TJP1: variants seen among roughly 807,000 people sequenced by gnomAD.
TJP1 encodes tight junction protein 1.
In TJP1, 43 loss-of-function variants were observed where a neutral mutation model predicts 194.2. The observed-to-expected ratio is 0.22, with a 90% CI of 0.17 to 0.29. The LOEUF (loss-of-function observed/expected upper bound fraction) is 0.29, where lower values mean the gene tolerates loss of function less well. Among genes scored for constraint, TJP1 ranks in the 10% least tolerant of loss-of-function variants. TJP1 has a pLI of 1.00. For missense variants in TJP1, 1,971 were observed against 2,185.7 expected, an observed-to-expected ratio of 0.90 and a Z score of 1.96; for synonymous variants, 801 against 779.0, an observed-to-expected ratio of 1.03 and a Z score of -0.47.
In TJP1 at chr15:29,815,003, T is replaced by G. The variant is rs555723314; in HGVS notation, c.27+6999A>C. On this transcript the variant is annotated intron_variant, in intron 1 of 27. Transcript: ENST00000614355. ...TTGGTGTTCTCATGATCTAAAGCTG[T>G]GTTCTTGTGGTAAAGGCAATCATTC... Among the ~76,000 whole-genome samples, 6 of 152,310 alleles carry G rather than the reference T, an allele frequency of 3.9e-5. No homozygotes were observed. In the East Asian group the frequency reaches 7.7e-4, roughly 20 times the overall value.
intron 2 of TJP1, among the ~76,000 whole-genome samples, chr15:29,950,039 ACCT>A (rs2055626221): frequency 1.5e-5 from 1 of 66,136 alleles, no homozygotes; most frequent in Non-Finnish European, 2.9e-5. Flanking sequence ...CTTCACCACC[ACCT>A]CCACCACCAC....
Position 29,700,253 on chromosome 15 carries a change from G to A in TJP1, c.*1342C>T, listed in dbSNP as rs1005923828. 2.5e-6 allele frequency: 1 copy of A among 398,914 alleles called. No homozygotes were observed. The highest frequency in any genetic ancestry group is 4.4e-6 in the Non-Finnish European group (1 of 226,032). The allele number at this position is 398,914 out of a possible 1,614,324, so 24.7% of individuals were successfully genotyped here. A position where few individuals can be genotyped will look rare whatever the true frequency, so the allele number is the denominator to read the frequency against. ...CTAATGATTAACAGAATGTAGTGGT[G>A]TATTATCTAAACAGAAATCGTGCTG... On this transcript the variant is annotated 3_prime_UTR_variant, in exon 28 of 28. Transcript: ENST00000614355.
intron 2 of TJP1, among the ~76,000 whole-genome samples, chr15:29,840,739 G>A (rs2051195915): frequency 6.6e-6 from 1 of 152,174 alleles, no homozygotes; most frequent in African/African-American, 2.4e-5. Flanking sequence ...GGGTCCCAGT[G>A]GTTTGCTTAG....
At chr15:29,950,592 G>A (rs2055711820) in intron 2 of TJP1, among the ~76,000 whole-genome samples, 2 of 152,170 alleles carry the variant, frequency 1.3e-5, no homozygotes, top group South Asian at 4.1e-4. Flanking sequence ...TCGTACTGGT[G>A]ATGGGAGAAC....
intron 2 of TJP1, among the ~76,000 whole-genome samples, chr15:29,943,194 A>T (rs1567217834): frequency 6.6e-6 from 1 of 152,180 alleles, no homozygotes; most frequent in East Asian, 1.9e-4. Context: ...CTTTTGACAT[A>T]AAAGATGATG....
intron 2 of TJP1, among the ~76,000 whole-genome samples, chr15:29,926,377 C>G (rs1023000817): frequency 6.6e-6 from 1 of 152,018 alleles, no homozygotes; most frequent in Admixed American, 6.6e-5. Context: ...TTTGGGAGAC[C>G]GAGGCAGGTG....
chr15:29,734,446 G>C, intron 11 of TJP1, 64 bp from the exon 12 acceptor site: 1 of 1,187,010 alleles, frequency 8.4e-7, no homozygotes, highest in Non-Finnish European at 1.2e-6. Flanking sequence ...ACATACGCAG[G>C]ACACAGATAC....
Position 29,701,648 on chromosome 15 carries a change from G to T in TJP1, c.5254C>A (p.Pro1752Thr), listed in dbSNP as rs763522633. 2 of 1,613,902 alleles carry T rather than the reference G, an allele frequency of 1.2e-6. No homozygotes were observed. The highest frequency in any genetic ancestry group is 1.3e-5 in the African/African-American group (1 of 74,904). ...CAGTTTGCTCCAACGAGATAATTTG[G>T]ATCTCCGGGAAGACACTTGTTTTGC... ...TWQNKCLPGD[P>T]NYLVGANCVS... Residue 1752 changes from proline to threonine, a missense_variant, in exon 28 of 28, where the codon CCA becomes ACA. Physicochemically the swap from Pro to Thr is conservative, Grantham distance 38. Transcript: ENST00000614355.
chr15:29,807,735 TAAAG>T, intron 1 of TJP1, among the ~76,000 whole-genome samples: 1 of 152,160 alleles, frequency 6.6e-6, no homozygotes, highest in African/African-American at 2.4e-5. Flanking sequence ...GTAACCACAC[TAAAG>T]AAGAGTTTAA....
Position 29,766,486 on chromosome 15 carries a change from T to C in TJP1, c.369A>G (p.Pro123=). ...QIPVSRPDPE[P]VSDNEEDSYD... Reference sequence around the variant, plus strand: ...AACTATCTTCTTCATTATCAGATACTGGTTCAGGATCAGGACGACTTACTG... The same window carrying C: ...AACTATCTTCTTCATTATCAGATACCGGTTCAGGATCAGGACGACTTACTG... The change falls in exon 5 of 28, where the codon CCA becomes CCG. Residue 123 remains proline (P), a synonymous_variant. Coordinates refer to ENST00000614355, the MANE Select transcript of TJP1 (RefSeq NM_001330239.4). 6.2e-7 allele frequency: 1 copy of C among 1,609,798 alleles called. No individual in the cohort carries two copies. Among genetic ancestry groups the C allele is most frequent in the Non-Finnish European group, 8.5e-7 (1 of 1,177,344 alleles).
intron 23 of TJP1, among the ~76,000 whole-genome samples, chr15:29,712,284 CTG>C (rs2042289445): frequency 6.6e-6 from 1 of 152,186 alleles, no homozygotes. Context: ...ACATTAAAAT[CTG>C]AAAGTGCACA....
Position 29,800,630 on chromosome 15 carries a change from T to A in TJP1, c.84+16A>T, listed in dbSNP as rs765750835. On this transcript the variant is annotated intron_variant, in intron 2 of 27. Transcript: ENST00000614355. ...CCTGAGTTATACACAGATTACTTACTGCAACACAAACTTACCCTGTGAAGC... is the reference window on the plus strand; with the variant it reads ...CCTGAGTTATACACAGATTACTTACAGCAACACAAACTTACCCTGTGAAGC... 1.2e-6 allele frequency: 2 copies of A among 1,613,568 alleles called. No individual in the cohort carries two copies. Among genetic ancestry groups the A allele is most frequent in the Non-Finnish European group, 8.5e-7 (1 of 1,179,650 alleles).
chr15:29,917,444 A>G (rs2054222780), intron 2 of TJP1, among the ~76,000 whole-genome samples: 1 of 152,160 alleles, frequency 6.6e-6, no homozygotes, highest in African/African-American at 2.4e-5. Flanking sequence ...AAAACAATAT[A>G]TAAGGCCACA....
In TJP1 at chr15:29,813,456, G is replaced by A. The variant is rs78026071; in HGVS notation, c.27+8546C>T. Among the ~76,000 whole-genome samples, 1,311 of 152,126 alleles carry A rather than the reference G, an allele frequency of 8.6e-3. 8 individuals are homozygous for A. Among genetic ancestry groups the A allele is most frequent in the Non-Finnish European group, 0.015 (1,000 of 67,990 alleles). On this transcript the variant is annotated intron_variant, in intron 1 of 27. Transcript: ENST00000614355. ...AAACCAATAAAGTCCTCATACAATG[G>A]AATACCATGAAGTACAAGAACTGAA...
chr15:29,716,259 T>C (rs1301587410), intron 23 of TJP1, among the ~76,000 whole-genome samples: 2 of 152,228 alleles, frequency 1.3e-5, no homozygotes, highest in Non-Finnish European at 2.9e-5. Flanking sequence ...TCTGTATTTA[T>C]ATTTAAAAAA....
At chr15:29,783,208 A>C (rs1481403445) in intron 2 of TJP1, among the ~76,000 whole-genome samples, 1 of 152,206 alleles carries the variant, frequency 6.6e-6, no homozygotes, top group Non-Finnish European at 1.5e-5. Flanking sequence ...CGGGAGGCAG[A>C]GGTTGCAGTG....
intron 2 of TJP1, among the ~76,000 whole-genome samples, chr15:29,948,865 G>C (rs1029649802): frequency 6.6e-6 from 1 of 152,022 alleles, no homozygotes; most frequent in Middle Eastern, 3.4e-3. Context: ...CCCACTGTAA[G>C]AAGAGAAGAA....
chr15:29,915,444 T>C lies in TJP1; in HGVS notation c.306+40788A>G, dbSNP rs549239129. ...CCACTGTCAGCCAACATCACTCCCA[T>C]TACCAGTTAAACTCCCTTCCAACTG... On this transcript the variant is annotated intron_variant, in intron 2 of 28. Coordinates refer to the TJP1 transcript ENST00000356107. Among the ~76,000 whole-genome samples the C allele has an allele frequency of 3.8e-3, 576 of 152,332 alleles. 2 individuals carry two copies. Among genetic ancestry groups the C allele is most frequent in the Non-Finnish European group, 6.4e-3 (435 of 68,028 alleles).
chr15:29,778,991 C>T (rs1261615183), intron 2 of TJP1, among the ~76,000 whole-genome samples: 1 of 152,200 alleles, frequency 6.6e-6, no homozygotes, highest in African/African-American at 2.4e-5. Context: ...GCCCGCCAAA[C>T]TTAACCTGTC....
Sources: gnomAD v4.1 joint callset for allele counts (sites outside exome capture counted in the v4.1 genomes callset) on GRCh38, gnomAD v4.1.1 for gene constraint, MANE v1.5 for transcripts, NCBI Gene and HGNC (gene_info 2026-07-23, HGNC 2026-07-21) for gene names.